Variants in ATP6V0A4 observed in about 807,000 individuals in gnomAD.
ATP6V0A4 encodes the protein ATPase H+ transporting V0 subunit a4.
Under a neutral mutation model 107.3 loss-of-function variants are expected in ATP6V0A4, and 86 were observed. The ratio of observed to expected loss-of-function variants is 0.80; its 90% CI spans 0.67 to 0.96. The LOEUF is 0.96. Ranked by LOEUF, ATP6V0A4 falls within the 40% of genes least tolerant of loss-of-function variation. The pLI, the probability that ATP6V0A4 is intolerant of heterozygous loss-of-function variation, is 0.00. For synonymous variants in ATP6V0A4, 353 were observed against 381.4 expected (o/e 0.93, Z 0.87); for missense variants, 908 against 1,045.6 (o/e 0.87, Z 1.81).
intron 20 of ATP6V0A4, among the ~76,000 whole-genome samples, chr7:138,710,290 C>T (rs6966748): frequency 0.46 from 69,051 of 150,578 alleles, 15,858 homozygotes; most frequent in Admixed American, 0.53. Flanking sequence ...CTCCCGAGTT[C>T]AAGCAATTCT....
Position 138,709,705 on chromosome 7 carries a change from G to A in ATP6V0A4, c.2348C>T (p.Ala783Val), listed in dbSNP as rs575884895. 6.2e-7 allele frequency: 1 copy of A among 1,613,666 alleles called. No individual in the cohort carries two copies. The highest frequency in any genetic ancestry group is 1.1e-5 in the South Asian group (1 of 91,070). Residue 783 changes from alanine (A) to valine (V), a missense_variant, in exon 21 of 22, where the codon GCC becomes GTC. Coordinates refer to ENST00000310018, the MANE Select transcript of ATP6V0A4 (RefSeq NM_020632.3). ...GGCTACTGTCAGGACAGCAAATACG[G>A]CAAAAATAATAAAAACCCCGACGAT... The part of the protein sequence containing the change: ...GGIVGVFIIF[A>V]VFAVLTVAIL...
rs550271727 is a variant in ATP6V0A4, at chr7:138,725,809, G to A, written c.2010+2952C>T. Among the ~76,000 whole-genome samples the A allele has an allele frequency of 1.4e-4, 21 of 152,092 alleles. No homozygotes were observed. In the South Asian group the frequency reaches 2.1e-3, roughly 15 times the overall value. ...ATTACAGGCATGAGCCACTGTGCCC[G>A]GTCAGGACTCTCAAGTTCTAAGGAT... On this transcript the variant is annotated intron_variant, in intron 18 of 21. Coordinates refer to ENST00000310018, the MANE Select transcript of ATP6V0A4 (RefSeq NM_020632.3).
chr7:138,724,272 T>G (rs1175150178), intron 18 of ATP6V0A4, among the ~76,000 whole-genome samples: 1 of 151,986 alleles, frequency 6.6e-6, no homozygotes. Context: ...AAGGCTATGT[T>G]GAAATTCAGA....
chr7:138,729,032 A>ATTTCTCTATCTGCAAG, intron 17 of ATP6V0A4, 170 bp from the exon 18 acceptor site: 1 of 855,076 alleles, frequency 1.2e-6, no homozygotes, highest in Non-Finnish European at 1.4e-6. Flanking sequence ...CCTTGCAGAT[A>ATTTCTCTATCTGCAAG]GAGAAATATC....
At chr7:138,763,519 C>T (rs929263439) in intron 5 of ATP6V0A4, among the ~76,000 whole-genome samples, 5 of 151,818 alleles carry the variant, frequency 3.3e-5, no homozygotes, top group African/African-American at 4.8e-5. Flanking sequence ...TCCCAGCTAC[C>T]CAGGAGGCCG....
At chr7:138,720,997 C>A (rs1804397851) in intron 19 of ATP6V0A4, among the ~76,000 whole-genome samples, 2 of 152,192 alleles carry the variant, frequency 1.3e-5, no homozygotes, top group South Asian at 4.1e-4. Context: ...TTTATAGCAT[C>A]TGTGGCCCTC....
At chr7:138,727,180 G>A (rs1262376345) in intron 18 of ATP6V0A4, among the ~76,000 whole-genome samples, 1 of 151,446 alleles carries the variant, frequency 6.6e-6, no homozygotes, top group African/African-American at 2.4e-5. Flanking sequence ...TTGGGAGGCT[G>A]AGGCAAGAGG....
At chr7:138,744,114 C>T (rs997550476) in intron 14 of ATP6V0A4, among the ~76,000 whole-genome samples, 7 of 152,146 alleles carry the variant, frequency 4.6e-5, no homozygotes, top group Non-Finnish European at 1.0e-4. Context: ...ATTTAGAGAG[C>T]TTCCAGGTCT....
chr7:138,788,251 G>A lies in ATP6V0A4; in HGVS notation c.-120-1991C>T, dbSNP rs78663366. 1.4e-4 allele frequency among the ~76,000 whole-genome samples: 21 copies of A among 152,256 alleles called. No individual in the cohort carries two copies. The East Asian group carries it at 3.7e-3, about 27-fold the overall frequency. The stretch of plus-strand genomic sequence containing the variant: ...TTACTCTTTGAGAACAAATCTCTCT[G>A]TTTATTAAACAAAAGATGAATCTGA... On this transcript the variant is annotated intron_variant, in intron 1 of 21. Transcript: ENST00000310018.
chr7:138,748,943 C>T (rs1426368200), intron 12 of ATP6V0A4, among the ~76,000 whole-genome samples: 2 of 152,162 alleles, frequency 1.3e-5, no homozygotes, highest in South Asian at 4.1e-4. Flanking sequence ...TTTCACCAAT[C>T]GGCATTTATA....
chr7:138,767,979 G>A (rs762184557), intron 5 of ATP6V0A4, among the ~76,000 whole-genome samples: 12 of 152,146 alleles, frequency 7.9e-5, no homozygotes, highest in Non-Finnish European at 1.6e-4. Flanking sequence ...TGTCGCCCAG[G>A]CTGGAGTGCA....
chr7:138,727,748 A>T (rs1269531234), intron 18 of ATP6V0A4, among the ~76,000 whole-genome samples: 1 of 152,228 alleles, frequency 6.6e-6, no homozygotes, highest in Non-Finnish European at 1.5e-5. Flanking sequence ...AATCTTTTGC[A>T]CTAATAGAGG....
intron 2 of ATP6V0A4, among the ~76,000 whole-genome samples, chr7:138,774,997 A>G (rs1281488020): frequency 2.0e-5 from 3 of 151,886 alleles, no homozygotes; most frequent in African/African-American, 7.3e-5. Context: ...AATTAGGTGC[A>G]TTTCTCTTGC....
Position 138,728,772 on chromosome 7 carries a change from G to A in ATP6V0A4, c.1999C>T (p.Arg667Trp), listed in dbSNP as rs150175783. ...CAAACAGCCCTTACCTGGGATTTCC[G>A]ATGACTGGCTCTAAGAATAAACGGC... Reference protein sequence around the residue: ...IKPFILRASHRKSQLQASRIQ... With the variant: ...IKPFILRASHWKSQLQASRIQ... The change falls in exon 18 of 22, where the codon CGG becomes TGG. Residue 667 changes from arginine to tryptophan, a missense_variant. Transcript: ENST00000310018. The A allele has an allele frequency of 1.7e-4, 280 of 1,614,138 alleles. No homozygotes were observed. The highest frequency in any genetic ancestry group is 1.3e-3 in the Middle Eastern group (8 of 6,062).
intron 10 of ATP6V0A4, 188 bp from the exon 11 acceptor site, chr7:138,753,025 A>C: frequency 1.9e-6 from 1 of 534,802 alleles, no homozygotes. Flanking sequence ...TAAAACCCTT[A>C]GGCAGAGATT....
rs370861594 is a variant in ATP6V0A4, at chr7:138,745,256, G to A, written c.1345C>T (p.Arg449Cys). Residue 449 changes from arginine (R) to cysteine (C), a missense_variant, in exon 14 of 22, where the codon CGC becomes TGC. By Grantham distance (180) the Arg-to-Cys change is radical. Transcript: ENST00000310018. Reference sequence around the variant, plus strand: ...ATGCCCATAAGTAGGATCAGATAGCGCCCGTGGAAGAAGGTGTTCCAAATC... The same window carrying A: ...ATGCCCATAAGTAGGATCAGATAGCACCCGTGGAAGAAGGTGTTCCAAATC... ...NEIWNTFFHG[R>C]YLILLMGIFS... is the part of the protein sequence containing the mutation. 1.1e-5 allele frequency: 18 copies of A among 1,613,948 alleles called. No homozygotes were observed. The highest frequency in any genetic ancestry group is 2.7e-5 in the African/African-American group (2 of 74,912).
chr7:138,791,345 C>T (rs1247911092), intron 1 of ATP6V0A4, among the ~76,000 whole-genome samples: 3 of 152,124 alleles, frequency 2.0e-5, no homozygotes, highest in African/African-American at 7.2e-5. Flanking sequence ...AAGAGAATTA[C>T]AGGATGGAGT....
At chr7:138,778,236 C>T (rs1239783756) in intron 2 of ATP6V0A4, among the ~76,000 whole-genome samples, 4 of 151,902 alleles carry the variant, frequency 2.6e-5, no homozygotes, top group African/African-American at 7.3e-5. Flanking sequence ...ATTAGCGGGG[C>T]GTGGTGGTGG....
At chr7:138,723,518 C>CTTTCCTT in intron 18 of ATP6V0A4, among the ~76,000 whole-genome samples, 1 of 83,770 alleles carries the variant, frequency 1.2e-5, no homozygotes, top group South Asian at 5.6e-4. Flanking sequence ...ACCCTTCTTT[C>CTTTCCTT]TTTTCTTTTT....
Sources: allele counts gnomAD v4.1 joint callset (sites outside exome capture counted in the v4.1 genomes callset), GRCh38; gene constraint gnomAD v4.1.1; transcripts MANE v1.5; gene names NCBI Gene and HGNC (gene_info 2026-07-23, HGNC 2026-07-21).